The following DUSP16 variants were observed in gnomAD, a reference collection of about 807,000 sequenced individuals.
The protein encoded by DUSP16 is dual specificity protein phosphatase 16.
Under a neutral mutation model 58.3 loss-of-function variants are expected in DUSP16, and 21 were observed. The observed-to-expected ratio is 0.36, with a 90% CI of 0.26 to 0.52. The LOEUF (loss-of-function observed/expected upper bound fraction) is 0.52, where lower values mean the gene tolerates loss of function less well. Among genes scored for constraint, DUSP16 ranks in the 20% least tolerant of loss-of-function variants. DUSP16 has a pLI of 0.94. For missense variants in DUSP16, 726 were observed against 819.0 expected (o/e 0.89, Z 1.39); for synonymous variants, 320 against 323.8 (o/e 0.99, Z 0.12).
intron 1 of DUSP16, among the ~76,000 whole-genome samples, chr12:12,546,699 A>C (rs1343070917): frequency 2.0e-5 from 3 of 152,190 alleles, no homozygotes; most frequent in Admixed American, 1.3e-4. Context: ...GAGTCACCCT[A>C]CATATTGCTT....
intron 1 of DUSP16, among the ~76,000 whole-genome samples, chr12:12,557,876 T>G (rs920049919): frequency 3.9e-4 from 59 of 152,244 alleles, no homozygotes; most frequent in African/African-American, 1.3e-3. Context: ...CAGCATAAAT[T>G]TGCTGAATGA....
intron 4 of DUSP16, among the ~76,000 whole-genome samples, chr12:12,495,623 T>A (rs923101865): frequency 4.9e-4 from 75 of 152,222 alleles, no homozygotes; most frequent in Non-Finnish European, 1.2e-4. Context: ...CAGATTAATA[T>A]ATGGCCTTAA....
chr12:12,561,888 AC>A (rs1240922103), intron 1 of DUSP16, among the ~76,000 whole-genome samples: 1 of 149,048 alleles, frequency 6.7e-6, no homozygotes, highest in African/African-American at 2.5e-5. Flanking sequence ...CCAGGCCTAC[AC>A]CCCCGCTTCA....
chr12:12,518,787 T>C (rs940051103), intron 3 of DUSP16, among the ~76,000 whole-genome samples: 1 of 152,110 alleles, frequency 6.6e-6, no homozygotes, highest in South Asian at 2.1e-4. Flanking sequence ...AGAACACTAA[T>C]TGAAAGATCA....
chr12:12,539,524 G>A (rs1037443525), intron 1 of DUSP16, among the ~76,000 whole-genome samples: 43 of 152,168 alleles, frequency 2.8e-4, no homozygotes, highest in African/African-American at 9.9e-4. Flanking sequence ...AGTGTTCACC[G>A]GCTTATGAAT....
intron 1 of DUSP16, among the ~76,000 whole-genome samples, chr12:12,541,279 G>A (rs1001852037): frequency 5.9e-5 from 9 of 151,978 alleles, no homozygotes. Context: ...TCTCACTGTG[G>A]CACTGATTTT....
chr12:12,518,141 A>G (rs569271957), intron 3 of DUSP16, among the ~76,000 whole-genome samples: 1 of 152,346 alleles, frequency 6.6e-6, no homozygotes, highest in South Asian at 2.1e-4. Context: ...AGGTCTCCCC[A>G]TAGGGTAAAA....
chr12:12,508,589 A>C (rs923557311), intron 3 of DUSP16, among the ~76,000 whole-genome samples: 6 of 152,192 alleles, frequency 3.9e-5, no homozygotes, highest in Non-Finnish European at 8.8e-5. Flanking sequence ...TAAAGCTCTT[A>C]TTCCATCCAC....
intron 1 of DUSP16, among the ~76,000 whole-genome samples, chr12:12,557,511 A>G (rs2136274712): frequency 6.6e-6 from 1 of 152,200 alleles, no homozygotes; most frequent in Admixed American, 6.5e-5. Context: ...AAAAAGTCAC[A>G]TAGGTTTCTT....
chr12:12,560,195 A>G (rs532127697), intron 1 of DUSP16, among the ~76,000 whole-genome samples: 20 of 152,260 alleles, frequency 1.3e-4, no homozygotes, highest in African/African-American at 4.6e-4. Flanking sequence ...CAAATGAGAT[A>G]TTGTACTTTG....
Position 12,475,328 on chromosome 12 carries a change from A to G in DUSP16, c.*1505T>C, listed in dbSNP as rs138729819. On this transcript the variant is annotated 3_prime_UTR_variant, in exon 7 of 7. Transcript: ENST00000298573. ...AAGCCAGGAGGATGTTTGAAAGCCA[A>G]TCTGCACTATCACTTGTTCCAGTGA... 2.6e-5 allele frequency: 4 copies of G among 152,190 alleles called. No homozygotes were observed. The highest frequency in any genetic ancestry group is 9.7e-5 in the African/African-American group (4 of 41,432). 9.4% of individuals were successfully genotyped at this position (152,190 alleles called of 1,614,324 possible).
Position 12,473,300 on chromosome 12 carries a change from T to C in DUSP16, c.*3533A>G, listed in dbSNP as rs1366714884. ...CCTCTTAGTTTAATTCCTGGTCTAATTGTAGTTGTCACATCCAAACCAGTC... is the reference window on the plus strand; with the variant it reads ...CCTCTTAGTTTAATTCCTGGTCTAACTGTAGTTGTCACATCCAAACCAGTC... On this transcript the variant is annotated 3_prime_UTR_variant, in exon 7 of 7. Coordinates refer to ENST00000298573, the MANE Select transcript of DUSP16 (RefSeq NM_030640.3). Among the ~76,000 whole-genome samples the C allele has an allele frequency of 6.6e-6, 1 of 152,148 alleles. No individual in the cohort carries two copies. The highest frequency in any genetic ancestry group is 1.5e-5 in the Non-Finnish European group (1 of 68,028).
At chr12:12,513,536 AC>A (rs1446159482) in intron 3 of DUSP16, among the ~76,000 whole-genome samples, 11 of 152,142 alleles carry the variant, frequency 7.2e-5, no homozygotes, top group African/African-American at 2.7e-4. Context: ...TGGGAGAGTC[AC>A]TCAGCAGCTC....
intron 3 of DUSP16, among the ~76,000 whole-genome samples, chr12:12,506,480 T>C (rs1249099873): frequency 1.3e-5 from 2 of 152,190 alleles, no homozygotes; most frequent in Non-Finnish European, 2.9e-5. Context: ...TGAAAAAATT[T>C]GCGCCTATTT....
intron 1 of DUSP16, among the ~76,000 whole-genome samples, chr12:12,544,651 T>G (rs1043865140): frequency 1.4e-4 from 21 of 152,210 alleles, no homozygotes; most frequent in African/African-American, 4.6e-4. Context: ...TTTCTCAATT[T>G]TAGCTACTCT....
At position 12,474,800 on chromosome 12, in the gene DUSP16, C is replaced by T. The variant is rs1466176955; in HGVS notation, c.*2033G>A. On this transcript the variant is annotated 3_prime_UTR_variant, in exon 7 of 7. Transcript: ENST00000298573. The stretch of plus-strand genomic sequence containing the variant: ...TAAACATGTTTTGGGCATGACCACA[C>T]TCTGGAAGTGGTGAACTGTTACACA... 1 of 152,238 alleles carries T rather than the reference C, an allele frequency of 6.6e-6. No homozygotes were observed. The highest frequency in any genetic ancestry group is 3.2e-3 in the Middle Eastern group (1 of 316). 9.4% of individuals were successfully genotyped at this position (152,238 alleles called of 1,614,324 possible). A position where few individuals can be genotyped will look rare whatever the true frequency, so the allele number is the denominator to read the frequency against.
chr12:12,514,973 T>C (rs764117008), intron 3 of DUSP16, among the ~76,000 whole-genome samples: 2 of 152,188 alleles, frequency 1.3e-5, no homozygotes, highest in Non-Finnish European at 2.9e-5. Context: ...GTACAATTTC[T>C]ATACCCAGAT....
chr12:12,544,050 T>A (rs1944603709), intron 1 of DUSP16, among the ~76,000 whole-genome samples: 1 of 152,016 alleles, frequency 6.6e-6, no homozygotes, highest in African/African-American at 2.4e-5. Context: ...AATGTACAGC[T>A]CAAAGAATTT....
At chr12:12,536,871 T>C (rs1228747971) in intron 1 of DUSP16, among the ~76,000 whole-genome samples, 1 of 152,126 alleles carries the variant, frequency 6.6e-6, no homozygotes, top group Non-Finnish European at 1.5e-5. Flanking sequence ...AACCCCCATC[T>C]CTACTAAAAA....
Sources: allele counts gnomAD v4.1 joint callset (sites outside exome capture counted in the v4.1 genomes callset), GRCh38; gene constraint gnomAD v4.1.1; transcripts MANE v1.5; gene names NCBI Gene and HGNC (gene_info 2026-07-23, HGNC 2026-07-21).